The following MDGA2 variants were observed in gnomAD, a reference collection of about 807,000 sequenced individuals.
MDGA2 encodes MAM domain containing glycosylphosphatidylinositol anchor 2, also known as MAM domain-containing glycosylphosphatidylinositol anchor protein 2.
Under a neutral mutation model 117.8 loss-of-function variants are expected in MDGA2, and 40 were observed. The observed-to-expected ratio is 0.34, with a 90% CI of 0.26 to 0.44. The LOEUF is 0.44. MDGA2 is among the 20% of genes least tolerant of loss of function. The pLI is 1.00. For missense variants in MDGA2, 1,123 were observed against 1,250.6 expected (o/e 0.90, Z 1.54); for synonymous variants, 452 against 439.0 (o/e 1.03, Z -0.37).
At chr14:46,903,352 T>C (rs1246384892) in intron 10 of MDGA2, among the ~76,000 whole-genome samples, 3 of 152,204 alleles carry the variant, frequency 2.0e-5, no homozygotes, top group Admixed American at 2.0e-4. Context: ...ATTCTTTTAA[T>C]TTTATTGTTA....
At chr14:47,645,939 G>C (rs1897523348) in intron 1 of MDGA2, among the ~76,000 whole-genome samples, 2 of 151,942 alleles carry the variant, frequency 1.3e-5, no homozygotes, top group South Asian at 4.2e-4. Flanking sequence ...AATTAGCCGG[G>C]CGTGGTGGCA....
chr14:47,453,118 A>T (rs1893275717), intron 1 of MDGA2, among the ~76,000 whole-genome samples: 1 of 152,032 alleles, frequency 6.6e-6, no homozygotes. Flanking sequence ...CTCTGTAATA[A>T]TATTATAATT....
At chr14:47,311,421 A>G (rs995628477) in intron 1 of MDGA2, among the ~76,000 whole-genome samples, 11 of 152,074 alleles carry the variant, frequency 7.2e-5, no homozygotes, top group African/African-American at 2.7e-4. Context: ...CAATGTCCCC[A>G]CTGTTTCTCT....
At chr14:47,482,348 A>G (rs974149435) in intron 1 of MDGA2, among the ~76,000 whole-genome samples, 15 of 152,080 alleles carry the variant, frequency 9.9e-5, no homozygotes, top group African/African-American at 3.4e-4. Context: ...AGCATTTTGC[A>G]TGACTCTGGA....
chr14:47,030,517 A>G (rs1888624872), intron 8 of MDGA2, among the ~76,000 whole-genome samples: 1 of 151,378 alleles, frequency 6.6e-6, no homozygotes, highest in African/African-American at 2.4e-5. Context: ...TCCATCTCAG[A>G]AAAAAAAAGA....
chr14:47,379,090 C>T (rs987752758), intron 1 of MDGA2, among the ~76,000 whole-genome samples: 1 of 152,154 alleles, frequency 6.6e-6, no homozygotes, highest in Non-Finnish European at 1.5e-5. Context: ...GAATTTTCAA[C>T]CTAGAATTTC....
intron 3 of MDGA2, among the ~76,000 whole-genome samples, chr14:47,184,330 A>G (rs947709499): frequency 6.6e-6 from 1 of 151,986 alleles, no homozygotes; most frequent in South Asian, 2.1e-4. Context: ...ATAGTAGGGT[A>G]AAACAATCAA....
chr14:47,214,060 T>C (rs990452101), intron 3 of MDGA2, among the ~76,000 whole-genome samples: 8 of 151,980 alleles, frequency 5.3e-5, no homozygotes, highest in African/African-American at 1.9e-4. Flanking sequence ...TCATAAAAAC[T>C]CACTATCACG....
rs530637469 is a variant in MDGA2, at chr14:47,018,131, T to C, written c.1819+16880A>G. ...TTGTGGAAATATCATAATTTTTTTT[T>C]CTGGGGTAATTGACTTTTTTTTTCC... On this transcript the variant is annotated intron_variant, in intron 8 of 16. Coordinates refer to ENST00000399232, the MANE Select transcript of MDGA2 (RefSeq NM_001113498.3). Among the ~76,000 whole-genome samples, 3 of 145,282 alleles carry C rather than the reference T, an allele frequency of 2.1e-5. No homozygotes were observed. The East Asian group carries it at 6.8e-4, about 33-fold the overall frequency.
intron 5 of MDGA2, among the ~76,000 whole-genome samples, chr14:47,127,514 G>T (rs1288851678): frequency 8.5e-5 from 13 of 152,052 alleles, no homozygotes; most frequent in Non-Finnish European, 1.0e-4. Context: ...CATATGACAT[G>T]TCTGATTACA....
At chr14:47,652,635 T>C in intron 1 of MDGA2, among the ~76,000 whole-genome samples, 1 of 152,160 alleles carries the variant, frequency 6.6e-6, no homozygotes, top group Non-Finnish European at 1.5e-5. Flanking sequence ...TATAATTATT[T>C]GCTGAGTTAA....
rs139726745 is a variant in MDGA2 at position 47,288,105 on chromosome 14, G to A, written c.420+13306C>T. Among the ~76,000 whole-genome samples, 302 of 151,198 alleles carry A rather than the reference G, an allele frequency of 2.0e-3. 1 individual carries two copies. The highest frequency in any genetic ancestry group is 6.9e-3 in the African/African-American group (286 of 41,492). On this transcript the variant is annotated intron_variant, in intron 2 of 16. Transcript: ENST00000399232. ...CACTTTCTTTGTGATACTTTCTTAT[G>A]GAAGCCCAAGGGAAGTAATACAAGG...
intron 8 of MDGA2, among the ~76,000 whole-genome samples, chr14:46,976,205 T>C (rs888663294): frequency 2.0e-5 from 3 of 152,088 alleles, no homozygotes; most frequent in Admixed American, 6.6e-5. Context: ...ATATTTGAGA[T>C]GGCAAATTTT....
chr14:47,221,922 GA>G (rs1481134119), intron 2 of MDGA2, among the ~76,000 whole-genome samples: 1 of 151,820 alleles, frequency 6.6e-6, no homozygotes, highest in African/African-American at 2.4e-5. Flanking sequence ...CAAGCCCATT[GA>G]CAATTTCATC....
At position 47,165,246 on chromosome 14, in the gene MDGA2, A is replaced by G. The variant is rs138652840; in HGVS notation, c.596-20972T>C. Among the ~76,000 whole-genome samples, 859 of 151,956 alleles carry G rather than the reference A, an allele frequency of 5.7e-3. 5 individuals carry two copies. Among genetic ancestry groups the G allele is most frequent in the Non-Finnish European group, 8.3e-3 (562 of 68,024 alleles). On this transcript the variant is annotated intron_variant, in intron 3 of 16. Transcript: ENST00000399232. ...GCACATGTACCCTAGTACTTAAAGT[A>G]TAATAAAAAAATACAAAAAAAGAAC...
At chr14:47,398,155 A>G (rs766083233) in intron 1 of MDGA2, among the ~76,000 whole-genome samples, 1 of 152,192 alleles carries the variant, frequency 6.6e-6, no homozygotes, top group Non-Finnish European at 1.5e-5. Context: ...AGAGTCTACC[A>G]TGATACTATA....
chr14:47,038,081 C>A (rs559692858), intron 7 of MDGA2, among the ~76,000 whole-genome samples: 1 of 152,186 alleles, frequency 6.6e-6, no homozygotes, highest in South Asian at 2.1e-4. Flanking sequence ...AGGTGTGCAC[C>A]ACCACACCCA....
intron 1 of MDGA2, among the ~76,000 whole-genome samples, chr14:47,567,612 G>T (rs1895943485): frequency 6.6e-6 from 1 of 152,118 alleles, no homozygotes; most frequent in African/African-American, 2.4e-5. Flanking sequence ...TTGTGGGAGG[G>T]CTGAACACAT....
chr14:47,524,666 T>A (rs1894935606), intron 1 of MDGA2, among the ~76,000 whole-genome samples: 2 of 152,206 alleles, frequency 1.3e-5, no homozygotes, highest in Non-Finnish European at 2.9e-5. Context: ...TCCTGTCTTC[T>A]CTCGTACTAA....
Sources: gnomAD v4.1 joint callset for allele counts (sites outside exome capture counted in the v4.1 genomes callset) on GRCh38, gnomAD v4.1.1 for gene constraint, MANE v1.5 for transcripts, NCBI Gene and HGNC (gene_info 2026-07-23, HGNC 2026-07-21) for gene names.